CCDC138: variants seen among roughly 807,000 people sequenced by gnomAD.
CCDC138 encodes coiled-coil domain-containing protein 138.
A neutral mutation model predicts 82.3 loss-of-function variants in CCDC138; 66 were observed. That is an observed-to-expected ratio of 0.80 (90% confidence interval 0.66 to 0.98). The LOEUF is 0.98. CCDC138 is among the 50% of genes least tolerant of loss of function. The probability of loss-of-function intolerance (pLI) is 0.00; values close to 1 mark genes in which losing one functional copy is unlikely to be tolerated. For synonymous variants in CCDC138, 297 were observed against 265.4 expected (o/e 1.12, Z -1.16); for missense variants, 816 against 758.9 (o/e 1.08, Z -0.88).
At chr2:108,842,098 G>C (rs1689589426) in intron 11 of CCDC138, among the ~76,000 whole-genome samples, 1 of 152,084 alleles carries the variant, frequency 6.6e-6, no homozygotes, top group Admixed American at 6.6e-5. Flanking sequence ...GATGATCATA[G>C]ATCACTGCAG....
At chr2:108,792,934 C>T (rs539250116) in intron 4 of CCDC138, among the ~76,000 whole-genome samples, 3 of 150,350 alleles carry the variant, frequency 2.0e-5, no homozygotes, top group Non-Finnish European at 3.0e-5. Flanking sequence ...CATGGTAGCA[C>T]GTGCCTGTAG....
At chr2:108,860,463 G>A (rs552694214) in intron 13 of CCDC138, among the ~76,000 whole-genome samples, 1 of 150,890 alleles carries the variant, frequency 6.6e-6, no homozygotes, top group Non-Finnish European at 1.5e-5. Flanking sequence ...GATATTGACT[G>A]TAGTTTTGTC....
intron 10 of CCDC138, among the ~76,000 whole-genome samples, chr2:108,818,996 T>C (rs949984949): frequency 2.0e-5 from 3 of 152,202 alleles, no homozygotes; most frequent in South Asian, 2.1e-4. Context: ...GAAATTGAGA[T>C]ACAAAAATTC....
Position 108,876,337 on chromosome 2 carries a change from T to C in CCDC138, c.*84T>C. 1.3e-6 allele frequency: 1 copy of C among 752,916 alleles called. No homozygotes were observed. The highest frequency in any genetic ancestry group is 2.1e-6 in the Non-Finnish European group (1 of 480,532). The allele number at this position is 752,916 out of a possible 1,614,324, so 46.6% of individuals were successfully genotyped here. A position where few individuals can be genotyped will look rare whatever the true frequency, so the allele number is the denominator to read the frequency against. ...CCAAAGTAACTACAATTCTACCAAG[T>C]AAAGTTATCAGTAGCATCATTTATC... On this transcript the variant is annotated 3_prime_UTR_variant, in exon 15 of 15. Coordinates refer to ENST00000295124, the MANE Select transcript of CCDC138 (RefSeq NM_144978.3).
At chr2:108,859,288 C>G (rs1423485173) in intron 13 of CCDC138, among the ~76,000 whole-genome samples, 1 of 152,136 alleles carries the variant, frequency 6.6e-6, no homozygotes, top group African/African-American at 2.4e-5. Context: ...CTTGTAGATT[C>G]TGGATATTAG....
At chr2:108,862,171 GT>G (rs1476211762) in intron 13 of CCDC138, among the ~76,000 whole-genome samples, 3 of 150,486 alleles carry the variant, frequency 2.0e-5, no homozygotes, top group Non-Finnish European at 4.4e-5. Context: ...ATATTCTGTG[GT>G]TGTGGGAATG....
At chr2:108,883,807 C>G (rs915963640) in intron 2 of CCDC138, 2 of 152,312 alleles carry the variant, frequency 1.3e-5, no homozygotes, top group African/African-American at 4.8e-5. Context: ...CTAAACCTCA[C>G]TCCTCTCTTT....
chr2:108,853,923 T>A (rs1411368738), intron 12 of CCDC138, among the ~76,000 whole-genome samples: 13 of 122,528 alleles, frequency 1.1e-4, no homozygotes, highest in African/African-American at 4.2e-4. Context: ...AGTATATATA[T>A]TATATATAAT....
intron 2 of CCDC138, chr2:108,884,727 C>T (rs1340939604): frequency 6.6e-6 from 1 of 152,186 alleles, no homozygotes; most frequent in South Asian, 2.1e-4. Context: ...ATAGGACTCT[C>T]AAGCAGCTGC....
intron 11 of CCDC138, among the ~76,000 whole-genome samples, chr2:108,841,549 A>G (rs894191729): frequency 2.0e-5 from 3 of 152,084 alleles, no homozygotes; most frequent in Non-Finnish European, 2.9e-5. Context: ...ATCTGATACT[A>G]ATATAGAGAC....
chr2:108,794,565 A>C lies in CCDC138; in HGVS notation c.420A>C (p.Ser140=). The C allele has an allele frequency of 6.2e-7, 1 of 1,612,734 alleles. No individual in the cohort carries two copies. The highest frequency in any genetic ancestry group is 8.5e-7 in the Non-Finnish European group (1 of 1,179,458). Residue 140 remains serine (S), a synonymous_variant, in exon 5 of 15, where the codon TCA becomes TCC. Transcript: ENST00000295124. ...EKVALPTNTT[S]SRPRTECCSD... Reference sequence around the variant, plus strand: ...TTGCCTTGCCAACTAATACGACCTCATCGAGACCTCGGACTGAGTGTTGTA... The same window carrying C: ...TTGCCTTGCCAACTAATACGACCTCCTCGAGACCTCGGACTGAGTGTTGTA...
At chr2:108,846,289 G>C (rs530260351) in intron 11 of CCDC138, among the ~76,000 whole-genome samples, 1 of 152,172 alleles carries the variant, frequency 6.6e-6, no homozygotes, top group South Asian at 2.1e-4. Context: ...TTTTTAAGTT[G>C]ATAAAATTGT....
chr2:108,812,123 A>G (rs1229084611), intron 7 of CCDC138, among the ~76,000 whole-genome samples: 1 of 152,186 alleles, frequency 6.6e-6, no homozygotes, highest in Non-Finnish European at 1.5e-5. Flanking sequence ...TATTAAAAGA[A>G]AATAAAACCT....
chr2:108,875,239 A>G (rs1482197361), intron 14 of CCDC138, among the ~76,000 whole-genome samples: 1 of 151,748 alleles, frequency 6.6e-6, no homozygotes, highest in Non-Finnish European at 1.5e-5. Flanking sequence ...AAACAAAGCT[A>G]GACAAGGAAA....
In CCDC138 at chr2:108,873,529, A is replaced by C; in HGVS notation, c.1772A>C (p.Lys591Thr). Residue 591 changes from lysine (K) to threonine (T), a missense_variant, in exon 14 of 15, where the codon AAG becomes ACG. Lys to Thr is a moderately conservative substitution (Grantham distance 78). Transcript: ENST00000295124. ...RTCSVLLRAP[K>T]LDLQILEKLS... ...TGCTCTGTGCTGCTTCGAGCCCCTA[A>C]GCTTGATCTTCAAATACTAGAAAAA... The C allele has an allele frequency of 6.2e-7, 1 of 1,612,460 alleles. No homozygotes were observed. The highest frequency in any genetic ancestry group is 8.5e-7 in the Non-Finnish European group (1 of 1,179,248).
chr2:108,786,925 C>T lies in CCDC138; in HGVS notation c.93+10C>T, dbSNP rs772342819. 7 of 1,511,666 alleles carry T rather than the reference C, an allele frequency of 4.6e-6. No homozygotes were observed. The allele number at this position is 1,511,666 out of a possible 1,614,324, so 93.6% of individuals were successfully genotyped here. A position where few individuals can be genotyped will look rare whatever the true frequency, so the allele number is the denominator to read the frequency against. On this transcript the variant is annotated intron_variant, in intron 1 of 14. Coordinates refer to ENST00000295124, the MANE Select transcript of CCDC138 (RefSeq NM_144978.3). ...CAGCTGCCCCGACGAGGTGAAGCCGCCGCCTGAGGTCCGCGGGTGGGCTCC... is the reference window on the plus strand; with the variant it reads ...CAGCTGCCCCGACGAGGTGAAGCCGTCGCCTGAGGTCCGCGGGTGGGCTCC...
intron 10 of CCDC138, among the ~76,000 whole-genome samples, chr2:108,829,882 TTAAAACA>T (rs1489966450): frequency 2.0e-5 from 3 of 152,290 alleles, no homozygotes; most frequent in Admixed American, 6.5e-5. Context: ...CTTCAAAAAC[TTAAAACA>T]TAGAATTACC....
chr2:108,825,882 G>T (rs934547947), intron 10 of CCDC138, among the ~76,000 whole-genome samples: 1 of 152,168 alleles, frequency 6.6e-6, no homozygotes, highest in Non-Finnish European at 1.5e-5. Flanking sequence ...AGTCCTGCCA[G>T]CAGTCTGCAG....
Position 108,798,585 on chromosome 2 carries a change from A to T in CCDC138, c.734A>T (p.Glu245Val). The T allele has an allele frequency of 2.5e-6, 4 of 1,599,290 alleles. No homozygotes were observed. The highest frequency in any genetic ancestry group is 3.4e-6 in the Non-Finnish European group (4 of 1,170,184). ...CTTACAAGATTTCAAATTATAAAAG[A>T]GGTAACTATATAGCCTTTGATTTTA... ...EVLTRFQIIK[E>V]QHDAEVEHLT... is the part of the protein sequence containing the mutation. Residue 245 changes from glutamate to valine, a missense_variant and splice_region_variant, in exon 6 of 15, where the codon GAG becomes GTG. Physicochemically the swap from Glu to Val is moderately radical, Grantham distance 121. Coordinates refer to ENST00000295124, the MANE Select transcript of CCDC138 (RefSeq NM_144978.3).
Sources: gnomAD v4.1 joint callset for allele counts (sites outside exome capture counted in the v4.1 genomes callset) on GRCh38, gnomAD v4.1.1 for gene constraint, MANE v1.5 for transcripts, NCBI Gene and HGNC (gene_info 2026-07-23, HGNC 2026-07-21) for gene names.